Variants in KIRREL3 observed in about 807,000 individuals in gnomAD.
KIRREL3 encodes the protein kin of IRRE-like protein 3.
A neutral mutation model predicts 89.7 loss-of-function variants in KIRREL3; 36 were observed. That is an observed-to-expected ratio of 0.40 (90% CI 0.31 to 0.53). The LOEUF is 0.53. Among genes scored for constraint, KIRREL3 ranks in the 20% least tolerant of loss-of-function variants. KIRREL3 has a pLI of 0.49. For missense variants in KIRREL3, 864 were observed against 1,056.6 expected (o/e 0.82, Z 2.53); for synonymous variants, 445 against 441.4 (o/e 1.01, Z -0.10).
Position 126,843,115 on chromosome 11 carries a change from C to T in KIRREL3, c.55+157340G>A, listed in dbSNP as rs1022738705. ...TATATAACAGTGTCCTCGTTCTCAC[C>T]TGCCCTTTAGGACAATATCCTGCAT... On this transcript the variant is annotated intron_variant, in intron 1 of 16. Coordinates refer to ENST00000525144, the MANE Select transcript of KIRREL3 (RefSeq NM_032531.4). The surrounding 1 kb of genome is among the most constrained non-coding windows in gnomAD (Gnocchi z 4.6). Among the ~76,000 whole-genome samples the T allele has an allele frequency of 3.9e-5, 6 of 152,148 alleles. No individual in the cohort carries two copies. The highest frequency in any genetic ancestry group is 1.4e-4 in the African/African-American group (6 of 41,426).
In KIRREL3 at chr11:126,523,485, T is replaced by C. The variant is rs1053878889; in HGVS notation, c.284-2021A>G. On this transcript the variant is annotated intron_variant, in intron 3 of 16. Transcript: ENST00000525144. This position sits in a 1 kb window ranked among gnomAD's most constrained non-coding sequence, Gnocchi z 4.9. ...TGGGCCCTTCAGACTCATGTCTTCA[T>C]GGCTACCATCCTCATCATGCAATAA... is the stretch of plus-strand genomic sequence containing the variant. 1.3e-4 allele frequency among the ~76,000 whole-genome samples: 20 copies of C among 152,176 alleles called. 1 individual carries two copies. The highest frequency in any genetic ancestry group is 2.4e-4 in the Non-Finnish European group (16 of 68,030).
rs73026580 is a variant in KIRREL3 at position 126,830,448 on chromosome 11, G to A, written c.55+170007C>T. Among the ~76,000 whole-genome samples the A allele has an allele frequency of 5.9e-3, 902 of 152,268 alleles. 4 individuals are homozygous for A. The highest frequency in any genetic ancestry group is 9.8e-3 in the Non-Finnish European group (669 of 68,022). ...TGAGAAATGCCATTATCCCATGCAC[G>A]CTACAATAAATAGCATTAACATTTC... On this transcript the variant is annotated intron_variant, in intron 1 of 16. Coordinates refer to ENST00000525144, the MANE Select transcript of KIRREL3 (RefSeq NM_032531.4). This position sits in a 1 kb window ranked among gnomAD's most constrained non-coding sequence, Gnocchi z 4.9.
intron 1 of KIRREL3, among the ~76,000 whole-genome samples, chr11:126,894,506 C>T (rs1383718227): frequency 4.3e-5 from 5 of 116,114 alleles, no homozygotes; most frequent in South Asian, 2.9e-4. Context: ...CCCAGGAGTT[C>T]GAGACCAGCC....
intron 1 of KIRREL3, among the ~76,000 whole-genome samples, chr11:126,751,839 T>C (rs1445564786): frequency 2.0e-5 from 3 of 152,154 alleles, no homozygotes; most frequent in Non-Finnish European, 2.9e-5. Flanking sequence ...TAGTAGAATA[T>C]TATCATAAAA....
intron 1 of KIRREL3, among the ~76,000 whole-genome samples, chr11:126,923,240 C>CTT (rs1337656399): frequency 3.5e-5 from 2 of 57,132 alleles, no homozygotes; most frequent in Admixed American, 2.0e-4. Flanking sequence ...TCTTCTTCTT[C>CTT]TTCTTCTTCT....
rs1342496876 is a variant in KIRREL3, at chr11:126,676,758, C to T, written c.56-113846G>A. ...ACATGTGGTGTTGTTTTTACTACTG[C>T]AACTTTTTATTTTTCTTTAGAGCTG... is the stretch of plus-strand genomic sequence containing the variant. On this transcript the variant is annotated intron_variant, in intron 1 of 16. Coordinates refer to ENST00000525144, the MANE Select transcript of KIRREL3 (RefSeq NM_032531.4). The surrounding 1 kb of genome is among the most constrained non-coding windows in gnomAD (Gnocchi z 4.5). Among the ~76,000 whole-genome samples, 3 of 151,812 alleles carry T rather than the reference C, an allele frequency of 2.0e-5. No individual in the cohort carries two copies. The highest frequency in any genetic ancestry group is 2.1e-4 in the South Asian group (1 of 4,812).
Position 126,594,009 on chromosome 11 carries a change from T to C in KIRREL3, c.56-31097A>G, listed in dbSNP as rs1278767287. 2.0e-5 allele frequency among the ~76,000 whole-genome samples: 3 copies of C among 152,262 alleles called. No individual in the cohort carries two copies. The highest frequency in any genetic ancestry group is 7.2e-5 in the African/African-American group (3 of 41,566). On this transcript the variant is annotated intron_variant, in intron 1 of 16. Transcript: ENST00000525144. This position sits in a 1 kb window ranked among gnomAD's most constrained non-coding sequence, Gnocchi z 5.0. The stretch of plus-strand genomic sequence containing the variant: ...ACAAAGAGAGAACAAAGAGATGACA[T>C]TTGCAGAAACTCCTGCCTTTCACTT...
In KIRREL3 at chr11:126,931,210, A is replaced by G. The variant is rs1947935473; in HGVS notation, c.55+69245T>C. ...TTTGAGGGAAAGTCCTGTTTCTTGG[A>G]CACTGTTGTTTCTTGGACACTGTTG... On this transcript the variant is annotated intron_variant, in intron 1 of 16. Transcript: ENST00000525144. The surrounding 1 kb of genome is among the most constrained non-coding windows in gnomAD (Gnocchi z 5.1). Among the ~76,000 whole-genome samples the G allele has an allele frequency of 6.6e-6, 1 of 151,860 alleles. No homozygotes were observed. Among genetic ancestry groups the G allele is most frequent in the South Asian group, 2.1e-4 (1 of 4,824 alleles).
chr11:126,907,309 A>T (rs1260788776), intron 1 of KIRREL3, among the ~76,000 whole-genome samples: 1 of 152,160 alleles, frequency 6.6e-6, no homozygotes, highest in Non-Finnish European at 1.5e-5. Flanking sequence ...TCTGCATTTT[A>T]TCAGATCATG....
chr11:126,473,570 C>A, intron 4 of KIRREL3, 104 bp from the exon 5 acceptor site: 1 of 964,338 alleles, frequency 1.0e-6, no homozygotes. Context: ...CAATAATTAT[C>A]ACACATTAAT....
chr11:126,671,635 C>T (rs529421343), intron 1 of KIRREL3, among the ~76,000 whole-genome samples: 5 of 151,416 alleles, frequency 3.3e-5, no homozygotes, highest in Non-Finnish European at 1.5e-5. Flanking sequence ...TGAACAGACA[C>T]TTCACCAAAG....
At chr11:126,466,555 G>A (rs1956732534) in intron 5 of KIRREL3, among the ~76,000 whole-genome samples, 2 of 152,224 alleles carry the variant, frequency 1.3e-5, no homozygotes, top group Admixed American at 1.3e-4. Context: ...CTGCACCCCC[G>A]GGTTTCTCTT....
intron 1 of KIRREL3, among the ~76,000 whole-genome samples, chr11:126,979,459 T>G (rs1450459828): frequency 6.6e-6 from 1 of 152,194 alleles, no homozygotes; most frequent in African/African-American, 2.4e-5. Flanking sequence ...CAGGATTGAT[T>G]TGCGGGAAAT....
rs1944642626 is a variant in KIRREL3 at position 126,645,771 on chromosome 11, G to A, written c.56-82859C>T. ...AAGGTGGTGTCTTCGCCTATGCTTT[G>A]GACCACATTTAATTAAATGCCTACA... On this transcript the variant is annotated intron_variant, in intron 1 of 16. Transcript: ENST00000525144. The surrounding 1 kb of genome is among the most constrained non-coding windows in gnomAD (Gnocchi z 4.9). 1.3e-5 allele frequency among the ~76,000 whole-genome samples: 2 copies of A among 151,956 alleles called. No individual in the cohort carries two copies. The highest frequency in any genetic ancestry group is 4.1e-4 in the South Asian group (2 of 4,822).
At chr11:126,852,767 C>G (rs1010359078) in intron 1 of KIRREL3, among the ~76,000 whole-genome samples, 1 of 152,176 alleles carries the variant, frequency 6.6e-6, no homozygotes, top group Non-Finnish European at 1.5e-5. Context: ...AGGCACTGTA[C>G]TAAAGGTCCC....
chr11:126,975,343 C>G (rs1398614029), intron 1 of KIRREL3, among the ~76,000 whole-genome samples: 1 of 152,174 alleles, frequency 6.6e-6, no homozygotes, highest in Non-Finnish European at 1.5e-5. Flanking sequence ...AGAGGGTTGA[C>G]TGCCCACAAG....
chr11:126,611,410 A>G lies in KIRREL3; in HGVS notation c.56-48498T>C, dbSNP rs680610. ...GGGTGGTCTTTCTGATTGATCCATC[A>G]GTCTGCATTCTCCTTGCCGTCCTTG... is the stretch of plus-strand genomic sequence containing the variant. On this transcript the variant is annotated intron_variant, in intron 1 of 16. Coordinates refer to ENST00000525144, the MANE Select transcript of KIRREL3 (RefSeq NM_032531.4). The surrounding 1 kb of genome is among the most constrained non-coding windows in gnomAD (Gnocchi z 4.7). Among the ~76,000 whole-genome samples the G allele has an allele frequency of 0.62, 93,716 of 151,954 alleles. 30,514 individuals carry two copies. The highest frequency in any genetic ancestry group is 0.75 in the Middle Eastern group (221 of 294).
rs1428606908 is a variant in KIRREL3 at position 126,614,355 on chromosome 11, C to T, written c.56-51443G>A. 6.6e-6 allele frequency among the ~76,000 whole-genome samples: 1 copy of T among 151,954 alleles called. No individual in the cohort carries two copies. The highest frequency in any genetic ancestry group is 1.5e-5 in the Non-Finnish European group (1 of 68,010). On this transcript the variant is annotated intron_variant, in intron 1 of 16. Coordinates refer to ENST00000525144, the MANE Select transcript of KIRREL3 (RefSeq NM_032531.4). The surrounding 1 kb of genome is among the most constrained non-coding windows in gnomAD (Gnocchi z 4.6). The stretch of plus-strand genomic sequence containing the variant: ...TTTTTCCCTCTAAGTAGGTTTGTGA[C>T]CTTGGACAACTCACTTCCATTCTTT...
rs1247170324 is a variant in KIRREL3 at position 126,642,102 on chromosome 11, C to T, written c.56-79190G>A. 6.6e-6 allele frequency among the ~76,000 whole-genome samples: 1 copy of T among 152,206 alleles called. No individual in the cohort carries two copies. Among genetic ancestry groups the T allele is most frequent in the Non-Finnish European group, 1.5e-5 (1 of 68,038 alleles). ...TGGGCTGTTCACAGAGAGCCAGAGG[C>T]CCCTTTGGAAAGGGTGGATCTCCAT... is the stretch of plus-strand genomic sequence containing the variant. On this transcript the variant is annotated intron_variant, in intron 1 of 16. Transcript: ENST00000525144. This position sits in a 1 kb window ranked among gnomAD's most constrained non-coding sequence, Gnocchi z 4.9.
Sources: allele counts gnomAD v4.1 joint callset (sites outside exome capture counted in the v4.1 genomes callset), GRCh38; gene constraint gnomAD v4.1.1; non-coding constraint Gnocchi (gnomAD v3.1); transcripts MANE v1.5; gene names NCBI Gene and HGNC (gene_info 2026-07-23, HGNC 2026-07-21).